Variants in RRM2B observed in about 807,000 individuals in gnomAD.
RRM2B encodes the protein ribonucleoside-diphosphate reductase subunit M2 B.
In RRM2B, 20 loss-of-function variants were observed where a neutral mutation model predicts 45.9. The observed-to-expected ratio is 0.44, with a 90% CI of 0.31 to 0.63. The LOEUF (loss-of-function observed/expected upper bound fraction) is 0.63. RRM2B is among the 30% of genes least tolerant of loss of function. RRM2B has a pLI of 0.09. For synonymous variants in RRM2B, 124 were observed against 132.3 expected, an observed-to-expected ratio of 0.94 and a Z score of 0.43; for missense variants, 320 against 414.7, an observed-to-expected ratio of 0.77 and a Z score of 1.98.
intron 1 of RRM2B, among the ~76,000 whole-genome samples, chr8:102,237,245 AC>A: frequency 6.6e-6 from 1 of 152,294 alleles, no homozygotes; most frequent in East Asian, 1.9e-4. Context: ...ATAACTATGG[AC>A]CCCTTTCTCA....
intron 1 of RRM2B, chr8:102,238,566 T>C: frequency 2.0e-6 from 3 of 1,519,954 alleles, no homozygotes; most frequent in Non-Finnish European, 2.6e-6. Context: ...CACCCCGGCC[T>C]GAGGCCTCCA....
intron 2 of RRM2B, among the ~76,000 whole-genome samples, chr8:102,231,116 A>G (rs1811020199): frequency 6.6e-6 from 1 of 152,266 alleles, no homozygotes; most frequent in South Asian, 2.1e-4. Context: ...AGTGCTGTAT[A>G]GGTATCACCC....
Position 102,238,810 on chromosome 8 carries a change from G to T in RRM2B, c.48+17C>A. The T allele has an allele frequency of 6.2e-7, 1 of 1,613,764 alleles. No individual in the cohort carries two copies. Among genetic ancestry groups the T allele is most frequent in the Non-Finnish European group, 8.5e-7 (1 of 1,179,910 alleles). ...GCGTGACTGCGGTGAGGGGGAAGAC[G>T]CAACAGCAACATTTACCTCATCCTG... is the stretch of plus-strand genomic sequence containing the variant. On this transcript the variant is annotated intron_variant, in intron 1 of 8. Coordinates refer to ENST00000251810, the MANE Select transcript of RRM2B (RefSeq NM_015713.5).
At chr8:102,218,053 A>T (rs918597818) in intron 6 of RRM2B, among the ~76,000 whole-genome samples, 1 of 152,200 alleles carries the variant, frequency 6.6e-6, no homozygotes, top group Non-Finnish European at 1.5e-5. Context: ...GATGAGTTTG[A>T]TTTCTGAAAT....
Position 102,232,177 on chromosome 8 carries a change from G to A in RRM2B, c.176C>T (p.Ala59Val). The change falls in exon 2 of 9, where the codon GCA becomes GTA. Residue 59 changes from alanine (A) to valine (V), a missense_variant. Physicochemically the swap from Ala to Val is moderately conservative, Grantham distance 64. This residue lies in a region of RRM2B where 225 missense variants were observed against 289.4 expected (regional missense o/e 0.78). Transcript: ENST00000251810. ...TTCTGCTGTCCAGAAGGAAGCCTGT[G>A]CCTGTTTATACATTTTCCAAATATC... Reference protein sequence around the residue: ...YPDIWKMYKQAQASFWTAEEV... With the variant: ...YPDIWKMYKQVQASFWTAEEV... 6.2e-7 allele frequency: 1 copy of A among 1,614,172 alleles called. No individual in the cohort carries two copies. The highest frequency in any genetic ancestry group is 8.5e-7 in the Non-Finnish European group (1 of 1,180,000).
chr8:102,211,539 G>A (rs148586620), intron 8 of RRM2B, among the ~76,000 whole-genome samples: 1 of 152,186 alleles, frequency 6.6e-6, no homozygotes, highest in Non-Finnish European at 1.5e-5. Flanking sequence ...TAGACCCAAG[G>A]GTCAGCAGTT....
chr8:102,216,591 C>A (rs186729322), intron 6 of RRM2B, among the ~76,000 whole-genome samples: 239 of 152,168 alleles, frequency 1.6e-3, no homozygotes, highest in African/African-American at 5.6e-3. Context: ...GCAAGCATGA[C>A]CCCTTCCTTT....
chr8:102,220,639 C>T (rs909483523), intron 5 of RRM2B, among the ~76,000 whole-genome samples: 3 of 152,166 alleles, frequency 2.0e-5, no homozygotes, highest in Non-Finnish European at 4.4e-5. Context: ...GGTCTCTCTA[C>T]GTTGCCCTGG....
intron 2 of RRM2B, among the ~76,000 whole-genome samples, chr8:102,228,810 T>C (rs1264180121): frequency 2.0e-5 from 3 of 152,246 alleles, no homozygotes; most frequent in Admixed American, 2.0e-4. Flanking sequence ...AGCTCCAGCA[T>C]GCGCATTCCA....
chr8:102,223,366 T>A (rs144101337), intron 5 of RRM2B, among the ~76,000 whole-genome samples: 2 of 152,264 alleles, frequency 1.3e-5, no homozygotes, highest in African/African-American at 4.8e-5. Context: ...GATATTTGTT[T>A]CCTGAAAAAT....
rs1256247953 is a variant in RRM2B at position 102,204,827 on chromosome 8, T to G, written c.*3306A>C. ...AAACACAGTTGTAAAACAAAGTATG[T>G]AAGAATATTGTGACCTTATTTAACT... On this transcript the variant is annotated 3_prime_UTR_variant, in exon 9 of 9. Transcript: ENST00000251810. The G allele has an allele frequency of 6.6e-6, 1 of 152,210 alleles. No individual in the cohort carries two copies. 9.4% of individuals were successfully genotyped at this position (152,210 alleles called of 1,614,324 possible).
chr8:102,218,445 C>T (rs1343201109), intron 6 of RRM2B, among the ~76,000 whole-genome samples: 1 of 152,046 alleles, frequency 6.6e-6, no homozygotes, highest in Non-Finnish European at 1.5e-5. Context: ...AGGCTGGGTA[C>T]AGTAATTCAT....
Position 102,206,860 on chromosome 8 carries a change from T to C in RRM2B, c.*1273A>G, listed in dbSNP as rs1050220684. Reference sequence around the variant, plus strand: ...CCTCACCATTGGCTATCATGTTGCATAGTCACATTAAAAGAACTATCTCTT... The same window carrying C: ...CCTCACCATTGGCTATCATGTTGCACAGTCACATTAAAAGAACTATCTCTT... On this transcript the variant is annotated 3_prime_UTR_variant, in exon 9 of 9. Transcript: ENST00000251810. The C allele has an allele frequency of 6.6e-6, 1 of 152,136 alleles. No homozygotes were observed. The highest frequency in any genetic ancestry group is 1.5e-5 in the Non-Finnish European group (1 of 67,992). The allele number at this position is 152,136 out of a possible 1,614,324, so 9.4% of individuals were successfully genotyped here.
chr8:102,214,229 C>T, intron 6 of RRM2B, 71 bp from the exon 7 acceptor site: 5 of 1,043,180 alleles, frequency 4.8e-6, no homozygotes, highest in Non-Finnish European at 7.5e-6. Flanking sequence ...ATGGGTCAAG[C>T]ATTGTATAAA....
chr8:102,220,509 A>G (rs1810812074), intron 5 of RRM2B, among the ~76,000 whole-genome samples: 1 of 152,174 alleles, frequency 6.6e-6, no homozygotes, highest in African/African-American at 2.4e-5. Context: ...GTGCATTAAT[A>G]ATTCAAACAG....
In RRM2B at chr8:102,238,615, C is replaced by A. The variant is rs755909483; in HGVS notation, c.48+212G>T. On this transcript the variant is annotated intron_variant, in intron 1 of 8. Transcript: ENST00000251810. ...GCTGGCCCCGGGGCAGAGCAGCGAG[C>A]GGGACGCAAACCCAAAGTCAGCTCC... The A allele has an allele frequency of 3.9e-6, 6 of 1,530,196 alleles. No individual in the cohort carries two copies. The East Asian group carries it at 1.2e-4, about 31-fold the overall frequency. The allele number at this position is 1,530,196 out of a possible 1,614,324, so 94.8% of individuals were successfully genotyped here.
intron 5 of RRM2B, among the ~76,000 whole-genome samples, chr8:102,219,812 T>G (rs1355483619): frequency 6.6e-6 from 1 of 152,130 alleles, no homozygotes; most frequent in Admixed American, 6.6e-5. Context: ...TACAAACCGT[T>G]TTCATAGGTG....
rs1483496867 is a variant in RRM2B, at chr8:102,205,711, TTTTC to T, written c.*2418_*2421del. On this transcript the variant is annotated 3_prime_UTR_variant, in exon 9 of 9. Transcript: ENST00000251810. ...ACAGTTGTAAACACACTCTTAATTT[TTTTC>T]TTTATCTGCAAGATAATATTTTTAA... is the stretch of plus-strand genomic sequence containing the variant. 6 of 152,270 alleles carry T rather than the reference TTTTC, an allele frequency of 3.9e-5. No homozygotes were observed. In the South Asian group the frequency reaches 6.2e-4, roughly 16 times the overall value. 9.4% of individuals were successfully genotyped at this position (152,270 alleles called of 1,614,324 possible).
In RRM2B at chr8:102,224,848, C is replaced by T. The variant is rs532908417; in HGVS notation, c.455+37G>A. 8.3e-5 allele frequency: 132 copies of T among 1,599,564 alleles called. 2 individuals carry two copies. In the East Asian group the frequency reaches 1.8e-3, roughly 22 times the overall value. On this transcript the variant is annotated intron_variant, in intron 4 of 8. Transcript: ENST00000251810. Reference sequence around the variant, plus strand: ...AATTCTGATCTGAACATAACCAAGCCGTAAGCAATATTTTGTAAATAAAAT... The same window carrying T: ...AATTCTGATCTGAACATAACCAAGCTGTAAGCAATATTTTGTAAATAAAAT...
Sources: allele counts gnomAD v4.1 joint callset (sites outside exome capture counted in the v4.1 genomes callset), GRCh38; gene constraint gnomAD v4.1.1; regional missense constraint gnomAD v4.1.1; transcripts MANE v1.5; gene names NCBI Gene and HGNC (gene_info 2026-07-23, HGNC 2026-07-21).